TRABD2B: variants seen among roughly 807,000 people sequenced by gnomAD.
TRABD2B encodes TraB domain containing 2B.
TRABD2B carries 14 observed loss-of-function variants against 40.1 expected under a neutral mutation model. That is an observed-to-expected ratio of 0.35 (90% CI 0.23 to 0.55). The LOEUF is 0.55. TRABD2B is among the 20% of genes least tolerant of loss of function. The pLI is 0.90. For missense variants in TRABD2B, 541 were observed against 648.6 expected, an observed-to-expected ratio of 0.83 and a Z score of 1.80; for synonymous variants, 263 against 277.0, an observed-to-expected ratio of 0.95 and a Z score of 0.50.
intron 3 of TRABD2B, among the ~76,000 whole-genome samples, chr1:47,800,015 CCTT>C (rs1193825279): frequency 6.6e-6 from 1 of 151,820 alleles, no homozygotes; most frequent in African/African-American, 2.4e-5. Flanking sequence ...TTCATTCCTT[CCTT>C]CCTTCCTTCC....
At chr1:47,804,866 T>A (rs1252703285) in intron 2 of TRABD2B, among the ~76,000 whole-genome samples, 1 of 152,172 alleles carries the variant, frequency 6.6e-6, no homozygotes, top group Non-Finnish European at 1.5e-5. Context: ...TACTTAGAAC[T>A]CAAAATATGG....
intron 2 of TRABD2B, among the ~76,000 whole-genome samples, chr1:47,970,475 A>G (rs1645665362): frequency 6.6e-6 from 1 of 151,954 alleles, no homozygotes; most frequent in Non-Finnish European, 1.5e-5. Flanking sequence ...GCTGAAATCT[A>G]TGTTCCCATT....
intron 2 of TRABD2B, among the ~76,000 whole-genome samples, chr1:47,831,448 A>C (rs1277481698): frequency 6.6e-6 from 1 of 152,214 alleles, no homozygotes; most frequent in East Asian, 1.9e-4. Context: ...GTGTGTTCGC[A>C]GGCATGTGTG....
intron 2 of TRABD2B, among the ~76,000 whole-genome samples, chr1:47,895,899 T>C (rs930525148): frequency 6.6e-6 from 1 of 152,320 alleles, no homozygotes; most frequent in African/African-American, 2.4e-5. Context: ...CCCCCAGGCC[T>C]GCGCATATTC....
rs1645144252 is a variant in TRABD2B at position 47,938,588 on chromosome 1, ACTAACAG to A, written c.666+55439_666+55445del. Among the ~76,000 whole-genome samples the A allele has an allele frequency of 2.0e-5, 3 of 150,548 alleles. No individual in the cohort carries two copies. In the South Asian group the frequency reaches 6.3e-4, roughly 32 times the overall value. ...AGTGCATACTCCATGACTTTAGCTT[ACTAACAG>A]CTGGAGGGATCCCAGAGGAATTCTT... On this transcript the variant is annotated intron_variant, in intron 2 of 6. Coordinates refer to ENST00000606738, the MANE Select transcript of TRABD2B (RefSeq NM_001194986.2).
At chr1:47,941,524 G>A (rs1057332194) in intron 2 of TRABD2B, among the ~76,000 whole-genome samples, 7 of 152,196 alleles carry the variant, frequency 4.6e-5, no homozygotes, top group African/African-American at 1.7e-4. Flanking sequence ...TGAGAACTGG[G>A]AAACCTGACT....
At chr1:47,980,610 T>C (rs1017404392) in intron 2 of TRABD2B, among the ~76,000 whole-genome samples, 3 of 152,148 alleles carry the variant, frequency 2.0e-5, no homozygotes, top group Non-Finnish European at 4.4e-5. Context: ...CTCCATCACA[T>C]TTCCCCTTTC....
intron 2 of TRABD2B, among the ~76,000 whole-genome samples, chr1:47,863,199 A>G (rs1336785262): frequency 6.6e-6 from 1 of 151,514 alleles, no homozygotes; most frequent in Non-Finnish European, 1.5e-5. Flanking sequence ...CCATGAAAGA[A>G]AGAATTGATA....
At chr1:47,942,371 G>C (rs140607987) in intron 2 of TRABD2B, among the ~76,000 whole-genome samples, 2 of 127,600 alleles carry the variant, frequency 1.6e-5, no homozygotes, top group Admixed American at 7.8e-5. Context: ...TGGTTGGAAC[G>C]GGGTGAAGGG....
intron 2 of TRABD2B, among the ~76,000 whole-genome samples, chr1:47,851,016 G>T (rs1238646212): frequency 6.6e-6 from 1 of 151,834 alleles, no homozygotes; most frequent in Non-Finnish European, 1.5e-5. Context: ...GCGGAGCTCA[G>T]GTGGTAATGC....
intron 2 of TRABD2B, among the ~76,000 whole-genome samples, chr1:47,947,445 T>A (rs181153747): frequency 6.6e-6 from 1 of 152,176 alleles, no homozygotes; most frequent in African/African-American, 2.4e-5. Flanking sequence ...CATTAACACA[T>A]ACAATATATA....
chr1:47,790,776 GTAA>G (rs1459473669), intron 4 of TRABD2B, among the ~76,000 whole-genome samples: 3 of 152,234 alleles, frequency 2.0e-5, no homozygotes. Context: ...GTGGTGTTAC[GTAA>G]TCAGAGAGCC....
intron 2 of TRABD2B, among the ~76,000 whole-genome samples, chr1:47,842,264 C>A (rs573323838): frequency 6.6e-6 from 1 of 152,344 alleles, no homozygotes; most frequent in South Asian, 2.1e-4. Flanking sequence ...AAGGCAGAGG[C>A]TGCCCACGGT....
intron 2 of TRABD2B, among the ~76,000 whole-genome samples, chr1:47,870,138 T>A (rs573516897): frequency 1.3e-5 from 2 of 152,270 alleles, no homozygotes; most frequent in Admixed American, 1.3e-4. Context: ...TTATCTGGTA[T>A]TTCTTGTACT....
chr1:47,947,795 A>T (rs1429924929), intron 2 of TRABD2B, among the ~76,000 whole-genome samples: 2 of 152,154 alleles, frequency 1.3e-5, no homozygotes. Context: ...GCCTTCCAAC[A>T]CATTATCTCC....
chr1:47,828,901 C>A (rs1181188135), intron 2 of TRABD2B, among the ~76,000 whole-genome samples: 1 of 152,216 alleles, frequency 6.6e-6, no homozygotes, highest in South Asian at 2.1e-4. Flanking sequence ...CCCTTCCCCA[C>A]GAGCCTCTCA....
At chr1:47,932,939 G>C (rs1240372380) in intron 2 of TRABD2B, among the ~76,000 whole-genome samples, 2 of 152,130 alleles carry the variant, frequency 1.3e-5, no homozygotes, top group Non-Finnish European at 2.9e-5. Context: ...CGTGAGCTTG[G>C]GTCATGTGAT....
intron 2 of TRABD2B, among the ~76,000 whole-genome samples, chr1:47,934,673 T>G (rs1645083278): frequency 6.6e-6 from 1 of 152,248 alleles, no homozygotes; most frequent in South Asian, 2.1e-4. Flanking sequence ...TCCCGTGATC[T>G]GCTTCCAAAG....
At chr1:47,789,781 G>A (rs1025209769) in intron 4 of TRABD2B, among the ~76,000 whole-genome samples, 2 of 151,888 alleles carry the variant, frequency 1.3e-5, no homozygotes, top group African/African-American at 2.4e-5. Context: ...CACCCAAGGC[G>A]TCCTCCTCAA....
Sources: gnomAD v4.1 joint callset for allele counts (sites outside exome capture counted in the v4.1 genomes callset) on GRCh38, gnomAD v4.1.1 for gene constraint, MANE v1.5 for transcripts, NCBI Gene and HGNC (gene_info 2026-07-23, HGNC 2026-07-21) for gene names.